Variants in ABI2 observed in about 807,000 individuals in gnomAD.
ABI2 encodes the protein abl interactor 2, also known as abelson interactor 2.
ABI2 carries 25 observed loss-of-function variants against 59.2 expected under a neutral mutation model. The ratio of observed to expected loss-of-function variants is 0.42; its 90% CI spans 0.31 to 0.59. The LOEUF is 0.59. Among genes scored for constraint, ABI2 ranks in the 20% least tolerant of loss-of-function variants. The probability of loss-of-function intolerance (pLI) is 0.14; values close to 1 mark genes in which losing one functional copy is unlikely to be tolerated. For synonymous variants in ABI2, 213 were observed against 235.5 expected (o/e 0.90, Z 0.87); for missense variants, 545 against 681.8 (o/e 0.80, Z 2.23).
rs985094338 is a variant in ABI2, at chr2:203,348,907, G to GT, written c.118-17961dup. On this transcript the variant is annotated intron_variant, in intron 1 of 11. Transcript: ENST00000261018. Reference sequence around the variant, plus strand: ...AAGCCCCCTGAACCTTGCTGAAGGTGTTTTTTTTTGTTTTTTGTTTGTTTG... The same window carrying GT: ...AAGCCCCCTGAACCTTGCTGAAGGTGTTTTTTTTTTGTTTTTTGTTTGTTTG... Among the ~76,000 whole-genome samples the GT allele has an allele frequency of 1.5e-3, 221 of 150,290 alleles. 1 individual carries two copies. Among genetic ancestry groups the GT allele is most frequent in the Middle Eastern group, 3.4e-3 (1 of 292 alleles).
At chr2:203,389,858 C>A (rs1451572688) in intron 4 of ABI2, among the ~76,000 whole-genome samples, 1 of 152,166 alleles carries the variant, frequency 6.6e-6, no homozygotes, top group East Asian at 1.9e-4. Context: ...CTAACATACT[C>A]CTTTGGTGAC....
intron 1 of ABI2, among the ~76,000 whole-genome samples, chr2:203,356,618 C>T (rs1559204547): frequency 6.6e-6 from 1 of 152,160 alleles, no homozygotes; most frequent in Non-Finnish European, 1.5e-5. Context: ...GATCCACCCA[C>T]CTTGGCCTCC....
intron 1 of ABI2, among the ~76,000 whole-genome samples, chr2:203,360,014 G>A (rs920629365): frequency 9.2e-5 from 14 of 151,644 alleles, no homozygotes; most frequent in Non-Finnish European, 1.8e-4. Context: ...GTAAAACCCC[G>A]TGCCTGCTAA....
At chr2:203,421,964 CAAAAAAA>C (rs35435663) in intron 11 of ABI2, among the ~76,000 whole-genome samples, 1 of 102,656 alleles carries the variant, frequency 9.7e-6, no homozygotes, top group East Asian at 3.1e-4. Context: ...GACTCTGTCT[CAAAAAAA>C]AAAAAAAAAA....
intron 1 of ABI2, among the ~76,000 whole-genome samples, chr2:203,356,238 AG>A (rs1195469098): frequency 6.6e-6 from 1 of 152,068 alleles, no homozygotes; most frequent in Non-Finnish European, 1.5e-5. Context: ...CCCAGGCTGG[AG>A]GGCAGTGTTG....
intron 3 of ABI2, 115 bp from the exon 4 acceptor site, chr2:203,382,074 T>C (rs2096168939): frequency 1.2e-5 from 10 of 823,002 alleles, no homozygotes; most frequent in Non-Finnish European, 1.8e-6. Flanking sequence ...TTGTTAATGC[T>C]GAATGCTTAA....
intron 9 of ABI2, among the ~76,000 whole-genome samples, chr2:203,407,557 G>A (rs1271877443): frequency 1.3e-5 from 2 of 152,170 alleles, no homozygotes; most frequent in African/African-American, 4.8e-5. Context: ...AAATAACCAG[G>A]AAGGTTGTAC....
intron 6 of ABI2, 60 bp downstream of exon 6, chr2:203,394,906 A>G: frequency 6.4e-7 from 1 of 1,563,956 alleles, no homozygotes; most frequent in Admixed American, 1.7e-5. Flanking sequence ...TGTTCAGATT[A>G]CTTCAGGTAA....
At chr2:203,335,579 G>A (rs781668161) in intron 1 of ABI2, among the ~76,000 whole-genome samples, 4 of 152,210 alleles carry the variant, frequency 2.6e-5, no homozygotes. Flanking sequence ...TATTTTATAA[G>A]TAGGATATAA....
intron 1 of ABI2, among the ~76,000 whole-genome samples, chr2:203,344,298 A>G (rs975847569): frequency 6.6e-6 from 1 of 152,188 alleles, no homozygotes; most frequent in Admixed American, 6.5e-5. Context: ...AATGCCAGTA[A>G]TTGCTTTAAA....
chr2:203,345,835 T>C (rs1163136229), intron 1 of ABI2, among the ~76,000 whole-genome samples: 1 of 151,570 alleles, frequency 6.6e-6, no homozygotes, highest in Non-Finnish European at 1.5e-5. Flanking sequence ...CGTGAGGCAC[T>C]GTGCCCAGCA....
At chr2:203,389,883 G>A (rs2096671964) in intron 4 of ABI2, among the ~76,000 whole-genome samples, 1 of 152,184 alleles carries the variant, frequency 6.6e-6, no homozygotes, top group Non-Finnish European at 1.5e-5. Flanking sequence ...ATTATTCCCA[G>A]ATTATGCATC....
In ABI2 at chr2:203,384,301, T is replaced by TTTTG. The variant is rs1559289360; in HGVS notation, c.480+2098_480+2099insGTTT. Among the ~76,000 whole-genome samples, 391 of 119,764 alleles carry TTTTG rather than the reference T, an allele frequency of 3.3e-3. 5 individuals carry two copies. Among genetic ancestry groups the TTTTG allele is most frequent in the African/African-American group, 7.7e-3 (227 of 29,330 alleles). 78.6% of individuals were successfully genotyped at this position (119,764 alleles called of 152,430 possible). ...TTGTTTTTGTTTTTGTTTTTTTTTT[T>TTTTG]TTTTTTTTTTTTTTTTTTTTTTTGA... On this transcript the variant is annotated intron_variant, in intron 4 of 11. Coordinates refer to ENST00000261018, the MANE Select transcript of ABI2 (RefSeq NM_001375670.1).
intron 8 of ABI2, among the ~76,000 whole-genome samples, chr2:203,401,275 C>T (rs1277953616): frequency 1.3e-5 from 2 of 151,830 alleles, no homozygotes; most frequent in African/African-American, 4.8e-5. Context: ...TATCCTCTTG[C>T]CCTCCTCCAC....
chr2:203,403,731 T>C (rs2097312355), intron 9 of ABI2, among the ~76,000 whole-genome samples: 1 of 144,434 alleles, frequency 6.9e-6, no homozygotes, highest in East Asian at 2.0e-4. Context: ...AGTTCCATGT[T>C]CTTTCTTTCT....
intron 8 of ABI2, among the ~76,000 whole-genome samples, chr2:203,398,824 G>C (rs1378412890): frequency 1.3e-5 from 2 of 151,328 alleles, no homozygotes; most frequent in Non-Finnish European, 2.9e-5. Flanking sequence ...TTTTTGATCT[G>C]TTTTTTTTGG....
At chr2:203,383,426 A>G (rs552194591) in intron 4 of ABI2, 1 of 154,440 alleles carries the variant, frequency 6.5e-6, no homozygotes, top group Non-Finnish European at 1.5e-5. Context: ...CTTTTACCCT[A>G]AAGTCTGTAT....
At chr2:203,349,179 C>A (rs1006786077) in intron 1 of ABI2, among the ~76,000 whole-genome samples, 1 of 151,712 alleles carries the variant, frequency 6.6e-6, no homozygotes, top group African/African-American at 2.4e-5. Context: ...TGAACTCAAA[C>A]AGTCTGCCTG....
chr2:203,363,162 T>C (rs1160933390), intron 1 of ABI2, among the ~76,000 whole-genome samples: 1 of 151,810 alleles, frequency 6.6e-6, no homozygotes, highest in Non-Finnish European at 1.5e-5. Context: ...TAAAAAAAAA[T>C]TTTTCGTGAG....
Sources: gnomAD v4.1 joint callset for allele counts (sites outside exome capture counted in the v4.1 genomes callset) on GRCh38, gnomAD v4.1.1 for gene constraint, MANE v1.5 for transcripts, NCBI Gene and HGNC (gene_info 2026-07-23, HGNC 2026-07-21) for gene names.